Variants in ATP8A2 observed in about 807,000 individuals in gnomAD.
The protein encoded by ATP8A2 is ATPase phospholipid transporting 8A2, also known as phospholipid-transporting ATPase IB.
ATP8A2 carries 100 observed loss-of-function variants against 165.6 expected under a neutral mutation model. That is an observed-to-expected ratio of 0.60 (90% CI 0.51 to 0.71). The LOEUF is 0.71. ATP8A2 is among the 30% of genes least tolerant of loss of function. The probability of loss-of-function intolerance (pLI) is 0.00; values close to 1 mark genes in which losing one functional copy is unlikely to be tolerated. For synonymous variants in ATP8A2, 543 were observed against 548.8 expected, an observed-to-expected ratio of 0.99 and a Z score of 0.15; for missense variants, 1,227 against 1,479.5, an observed-to-expected ratio of 0.83 and a Z score of 2.80.
chr13:25,888,268 A>G (rs1016783596), intron 33 of ATP8A2, among the ~76,000 whole-genome samples: 1 of 152,126 alleles, frequency 6.6e-6, no homozygotes, highest in Admixed American at 6.5e-5. Context: ...CTCTGTCTGA[A>G]ATTTTAGGTT....
intron 10 of ATP8A2, among the ~76,000 whole-genome samples, chr13:25,546,367 T>C (rs889363126): frequency 5.9e-5 from 9 of 152,198 alleles, no homozygotes; most frequent in Non-Finnish European, 1.0e-4. Flanking sequence ...CCTTTAGGGC[T>C]GAAACAACAG....
Position 25,571,812 on chromosome 13 carries a change from C to A in ATP8A2, c.1662+120C>A, listed in dbSNP as rs753393868. 49 of 864,864 alleles carry A rather than the reference C, an allele frequency of 5.7e-5. 1 individual carries two copies. The South Asian group carries it at 6.5e-4, about 11-fold the overall frequency. 53.6% of individuals were successfully genotyped at this position (864,864 alleles called of 1,614,324 possible). On this transcript the variant is annotated intron_variant, in intron 18 of 36. Transcript: ENST00000381655. ...TTCTCTTTCAGTGAAAAATTAAGAC[C>A]TGTGACAAACTGGAGTTAATGTGAT...
At chr13:25,427,015 C>G (rs1433678597) in intron 1 of ATP8A2, among the ~76,000 whole-genome samples, 1 of 152,012 alleles carries the variant, frequency 6.6e-6, no homozygotes, top group East Asian at 1.9e-4. Context: ...TGTAAAACAC[C>G]AGCGCAAGAT....
chr13:25,525,140 T>A (rs1198640621), intron 2 of ATP8A2, among the ~76,000 whole-genome samples: 1 of 152,094 alleles, frequency 6.6e-6, no homozygotes, highest in Non-Finnish European at 1.5e-5. Flanking sequence ...CAACTTAACT[T>A]AGATCACAGA....
chr13:25,635,437 G>A (rs1315891770), intron 24 of ATP8A2, among the ~76,000 whole-genome samples: 1 of 152,148 alleles, frequency 6.6e-6, no homozygotes, highest in African/African-American at 2.4e-5. Context: ...GGCTGAGATC[G>A]AGGATGTGAC....
intron 25 of ATP8A2, among the ~76,000 whole-genome samples, chr13:25,749,907 G>C (rs1307276589): frequency 1.3e-5 from 2 of 151,944 alleles, no homozygotes; most frequent in African/African-American, 4.8e-5. Flanking sequence ...CGTACCACTA[G>C]TCCTGGCTAC....
intron 2 of ATP8A2, among the ~76,000 whole-genome samples, chr13:25,508,478 A>G (rs1207547684): frequency 6.6e-6 from 1 of 152,252 alleles, no homozygotes; most frequent in Admixed American, 6.5e-5. Context: ...AAATTATATC[A>G]CCATTAAAAA....
chr13:25,888,470 C>G lies in ATP8A2; in HGVS notation c.3183+26062C>G, dbSNP rs189701503. ...AAAAAAGGAAGCAACCAAATATGGG[C>G]AGTATGCAGTAACTAATGAAGTGAG... On this transcript the variant is annotated intron_variant, in intron 33 of 36. Coordinates refer to ENST00000381655, the MANE Select transcript of ATP8A2 (RefSeq NM_016529.6). Among the ~76,000 whole-genome samples the G allele has an allele frequency of 2.1e-3, 318 of 152,318 alleles. 2 individuals are homozygous for G. Among genetic ancestry groups the G allele is most frequent in the African/African-American group, 7.3e-3 (304 of 41,574 alleles).
At chr13:25,945,741 C>G (rs971203394) in intron 33 of ATP8A2, among the ~76,000 whole-genome samples, 1 of 152,140 alleles carries the variant, frequency 6.6e-6, no homozygotes, top group Non-Finnish European at 1.5e-5. Context: ...ATCAAGGGGT[C>G]CCCGGATTTT....
chr13:25,560,671 G>A (rs2039116797), intron 15 of ATP8A2, among the ~76,000 whole-genome samples: 1 of 124,616 alleles, frequency 8.0e-6, no homozygotes, highest in Admixed American at 1.0e-4. Context: ...CTGCATTCCA[G>A]CCTGAGTGAC....
intron 30 of ATP8A2, among the ~76,000 whole-genome samples, chr13:25,840,423 A>G (rs944331771): frequency 1.3e-5 from 2 of 152,218 alleles, no homozygotes; most frequent in Non-Finnish European, 2.9e-5. Context: ...TATGCTTCAA[A>G]CAGAAATGAT....
At chr13:25,711,297 G>A (rs1199210335) in intron 25 of ATP8A2, among the ~76,000 whole-genome samples, 2 of 152,134 alleles carry the variant, frequency 1.3e-5, no homozygotes, top group East Asian at 1.9e-4. Flanking sequence ...GAGCTACCGC[G>A]CCTGGCCAGT....
chr13:25,786,162 A>G (rs760310625), intron 27 of ATP8A2, among the ~76,000 whole-genome samples: 7 of 152,156 alleles, frequency 4.6e-5, no homozygotes, highest in African/African-American at 7.2e-5. Context: ...CACATCAGGA[A>G]ACTCATCTCT....
At chr13:25,531,148 TTATATATATGA>T (rs1555291024) in intron 4 of ATP8A2, among the ~76,000 whole-genome samples, 1 of 134,348 alleles carries the variant, frequency 7.4e-6, no homozygotes, top group East Asian at 2.0e-4. Flanking sequence ...TATATATATG[TTATATATATGA>T]TATATATGTT....
intron 2 of ATP8A2, among the ~76,000 whole-genome samples, chr13:25,503,710 T>C (rs1257335705): frequency 6.6e-6 from 1 of 152,140 alleles, no homozygotes; most frequent in African/African-American, 2.4e-5. Flanking sequence ...AGGATAGTCA[T>C]ACAGTCAATT....
At chr13:25,546,114 T>C (rs191731121) in intron 10 of ATP8A2, among the ~76,000 whole-genome samples, 1 of 152,342 alleles carries the variant, frequency 6.6e-6, no homozygotes, top group African/African-American at 2.4e-5. Flanking sequence ...AGAGCATACA[T>C]TGGTAATATA....
intron 24 of ATP8A2, among the ~76,000 whole-genome samples, chr13:25,592,816 G>A (rs1284352747): frequency 1.3e-5 from 2 of 152,138 alleles, no homozygotes; most frequent in Non-Finnish European, 2.9e-5. Flanking sequence ...GGTTTGTGAC[G>A]CCAAACTGAG....
intron 24 of ATP8A2, among the ~76,000 whole-genome samples, chr13:25,650,472 A>G (rs1261768107): frequency 6.6e-6 from 1 of 152,156 alleles, no homozygotes; most frequent in Admixed American, 6.5e-5. Context: ...ACCACTTCTG[A>G]ATAACAGTTT....
intron 7 of ATP8A2, among the ~76,000 whole-genome samples, chr13:25,539,783 G>A (rs151288348): frequency 6.6e-5 from 10 of 152,098 alleles, no homozygotes; most frequent in Non-Finnish European, 1.5e-4. Context: ...TTTATTTTTC[G>A]AGTTTTCTAT....
Sources: gnomAD v4.1 joint callset for allele counts (sites outside exome capture counted in the v4.1 genomes callset) on GRCh38, gnomAD v4.1.1 for gene constraint, MANE v1.5 for transcripts, NCBI Gene and HGNC (gene_info 2026-07-23, HGNC 2026-07-21) for gene names.